TNFRSF9: variants seen among roughly 807,000 people sequenced by gnomAD.
TNFRSF9 encodes TNF receptor superfamily member 9, also known as tumor necrosis factor receptor superfamily member 9.
TNFRSF9 carries 16 observed loss-of-function variants against 28.8 expected under a neutral mutation model. The observed-to-expected ratio is 0.55, with a 90% confidence interval of 0.38 to 0.84. The LOEUF is 0.84. Among genes scored for constraint, TNFRSF9 ranks in the 40% least tolerant of loss-of-function variants. The pLI, the probability that TNFRSF9 is intolerant of heterozygous loss-of-function variation, is 0.00. For synonymous variants in TNFRSF9, 131 were observed against 117.0 expected, an observed-to-expected ratio of 1.12 and a Z score of -0.77; for missense variants, 303 against 315.0, an observed-to-expected ratio of 0.96 and a Z score of 0.29.
intron 5 of TNFRSF9, 97 bp from the exon 6 acceptor site, chr1:7,935,240 G>T: frequency 7.2e-7 from 1 of 1,388,054 alleles, no homozygotes; most frequent in Non-Finnish European, 9.8e-7. Context: ...AAGTAGCCTA[G>T]TGAAAAAGAT....
chr1:7,939,201 T>C (rs1027415469), intron 2 of TNFRSF9, among the ~76,000 whole-genome samples: 18 of 151,544 alleles, frequency 1.2e-4, no homozygotes, highest in Non-Finnish European at 2.1e-4. Flanking sequence ...ACACCTGTAA[T>C]CCCAGCTACT....
Position 7,935,163 on chromosome 1 carries a change from A to G in TNFRSF9, c.414-20T>C, listed in dbSNP as rs776720031. The G allele has an allele frequency of 6.2e-7, 1 of 1,606,590 alleles. No individual in the cohort carries two copies. The highest frequency in any genetic ancestry group is 8.5e-7 in the Non-Finnish European group (1 of 1,177,440). On this transcript the variant is annotated intron_variant, in intron 5 of 7. Transcript: ENST00000377507. ...GAACAGCTTAGACAGTTCAATGAAA[A>G]TAATTTAAATAATTAACTTAGGTCC...
rs764421785 is a variant in TNFRSF9, at chr1:7,933,274, G to C, written c.567C>G (p.Ser189=). 1 of 1,613,652 alleles carries C rather than the reference G, an allele frequency of 6.2e-7. No individual in the cohort carries two copies. Among genetic ancestry groups the C allele is most frequent in the Non-Finnish European group, 8.5e-7 (1 of 1,179,730 alleles). ...REPGHSPQII[S]FFLALTSTAL... ...CAGTCGACGTCAGCGCAAGAAAGAA[G>C]GAGATGATCTGCGGAGAGTGTCCTG... Residue 189 remains serine (S), a synonymous_variant, in exon 7 of 8, where the codon TCC becomes TCG. Coordinates refer to ENST00000377507, the MANE Select transcript of TNFRSF9 (RefSeq NM_001561.6).
chr1:7,939,874 A>T, intron 2 of TNFRSF9, 21 bp downstream of exon 2: 1 of 1,568,148 alleles, frequency 6.4e-7, no homozygotes, highest in African/African-American at 1.3e-5. Context: ...GATCAAATGC[A>T]CATGATAACT....
intron 7 of TNFRSF9, among the ~76,000 whole-genome samples, chr1:7,922,595 T>C (rs1639578156): frequency 6.6e-6 from 1 of 152,156 alleles, no homozygotes; most frequent in African/African-American, 2.4e-5. Flanking sequence ...GCAGATCATC[T>C]GAGGTCAGGA....
intron 5 of TNFRSF9, 84 bp from the exon 6 acceptor site, chr1:7,935,227 A>G: frequency 2.0e-6 from 3 of 1,467,834 alleles, no homozygotes; most frequent in Admixed American, 2.0e-5. Context: ...TTTTCACCCA[A>G]TGAAGTAGCC....
chr1:7,940,579 A>T (rs910032000), intron 1 of TNFRSF9, among the ~76,000 whole-genome samples: 2 of 152,314 alleles, frequency 1.3e-5, no homozygotes, highest in Non-Finnish European at 2.9e-5. Context: ...TTAAACAGAG[A>T]CATGTTTTGA....
At position 7,918,893 on chromosome 1, in the gene TNFRSF9, C is replaced by T. The variant is rs1639518461; in HGVS notation, c.*1942G>A. On this transcript the variant is annotated 3_prime_UTR_variant, in exon 8 of 8. Coordinates refer to ENST00000377507, the MANE Select transcript of TNFRSF9 (RefSeq NM_001561.6). ...GTGGATCAATGGGATACTTACATGA[C>T]ACTTATATGACTGACGGGAGTACAT... is the stretch of plus-strand genomic sequence containing the variant. 1 of 152,112 alleles carries T rather than the reference C, an allele frequency of 6.6e-6. No homozygotes were observed. The highest frequency in any genetic ancestry group is 2.1e-4 in the South Asian group (1 of 4,830). 9.4% of individuals were successfully genotyped at this position (152,112 alleles called of 1,614,324 possible). A position where few individuals can be genotyped will look rare whatever the true frequency, so the allele number is the denominator to read the frequency against.
At chr1:7,938,066 T>C (rs1322741301) in intron 4 of TNFRSF9, 127 bp downstream of exon 4, 3 of 698,414 alleles carry the variant, frequency 4.3e-6, no homozygotes, top group African/African-American at 1.9e-5. Flanking sequence ...TAAAATATGA[T>C]ATATCATATA....
intron 7 of TNFRSF9, among the ~76,000 whole-genome samples, chr1:7,922,330 C>T (rs1039470839): frequency 9.2e-5 from 14 of 152,104 alleles, no homozygotes; most frequent in Non-Finnish European, 1.8e-4. Flanking sequence ...TCATGTTTTC[C>T]GTATTTGTCC....
chr1:7,931,320 G>A (rs956058688), intron 7 of TNFRSF9, among the ~76,000 whole-genome samples: 9 of 152,270 alleles, frequency 5.9e-5, no homozygotes, highest in African/African-American at 1.4e-4. Context: ...TGAGATACAC[G>A]GACAAAAATA....
At chr1:7,924,321 AT>A (rs1257679157) in intron 7 of TNFRSF9, among the ~76,000 whole-genome samples, 1 of 119,328 alleles carries the variant, frequency 8.4e-6, no homozygotes, top group Non-Finnish European at 1.5e-5. Context: ...ATATATATAT[AT>A]ATATATATAT....
At chr1:7,921,338 AAAAAC>A (rs143263936) in intron 7 of TNFRSF9, among the ~76,000 whole-genome samples, 10,543 of 140,020 alleles carry the variant, frequency 0.075, 666 homozygotes, top group African/African-American at 0.17. Context: ...CTCTGTCTCA[AAAAAC>A]AAAACAAAAC....
At chr1:7,928,518 T>C (rs184201151) in intron 7 of TNFRSF9, among the ~76,000 whole-genome samples, 1 of 152,220 alleles carries the variant, frequency 6.6e-6, no homozygotes, top group African/African-American at 2.4e-5. Flanking sequence ...GGCATTGTGC[T>C]GAGTGAAAAA....
chr1:7,935,831 GC>G (rs1446422372), intron 5 of TNFRSF9, among the ~76,000 whole-genome samples: 1 of 152,098 alleles, frequency 6.6e-6, no homozygotes, highest in African/African-American at 2.4e-5. Flanking sequence ...ACCTCCCTAA[GC>G]CTCAGTTTTC....
At position 7,921,065 on chromosome 1, in the gene TNFRSF9, G is replaced by A. The variant is rs144972570; in HGVS notation, c.680-142C>T. On this transcript the variant is annotated intron_variant, in intron 7 of 7. Transcript: ENST00000377507. ...ATTTTAACAAACTCAGCCAGGCGTGGTGGCTCATGCCTGTAACCCCAGCAC... is the reference window on the plus strand; with the variant it reads ...ATTTTAACAAACTCAGCCAGGCGTGATGGCTCATGCCTGTAACCCCAGCAC... The A allele has an allele frequency of 6.4e-3, 4,038 of 635,372 alleles. 124 individuals carry two copies. In the African/African-American group the frequency reaches 0.065, roughly 10 times the overall value. 39.4% of individuals were successfully genotyped at this position (635,372 alleles called of 1,614,324 possible). A position where few individuals can be genotyped will look rare whatever the true frequency, so the allele number is the denominator to read the frequency against.
In TNFRSF9 at chr1:7,919,160, G is replaced by A. The variant is rs1639521984; in HGVS notation, c.*1675C>T. ...CTGCTCCCTCCACCTAAATCCCAGAGTAAAATAACATGGGACAGAGGCACG... is the reference window on the plus strand; with the variant it reads ...CTGCTCCCTCCACCTAAATCCCAGAATAAAATAACATGGGACAGAGGCACG... On this transcript the variant is annotated 3_prime_UTR_variant, in exon 8 of 8. Coordinates refer to ENST00000377507, the MANE Select transcript of TNFRSF9 (RefSeq NM_001561.6). The A allele has an allele frequency of 6.6e-6, 1 of 152,132 alleles. No homozygotes were observed. The allele number at this position is 152,132 out of a possible 1,614,324, so 9.4% of individuals were successfully genotyped here. A position where few individuals can be genotyped will look rare whatever the true frequency, so the allele number is the denominator to read the frequency against.
At chr1:7,936,447 C>A (rs12753275) in intron 5 of TNFRSF9, 17 of 148,278 alleles carry the variant, frequency 1.1e-4, no homozygotes, top group Admixed American at 2.8e-4. Flanking sequence ...ACAAACAAAA[C>A]AAACAAACAG....
intron 4 of TNFRSF9, 31 bp downstream of exon 4, chr1:7,938,162 A>G (rs769048069): frequency 6.5e-7 from 1 of 1,534,112 alleles, no homozygotes; most frequent in Admixed American, 2.0e-5. Flanking sequence ...ATGTCACAAA[A>G]CTACACTAGA....
Sources: gnomAD v4.1 joint callset for allele counts (sites outside exome capture counted in the v4.1 genomes callset) on GRCh38, gnomAD v4.1.1 for gene constraint, MANE v1.5 for transcripts, NCBI Gene and HGNC (gene_info 2026-07-23, HGNC 2026-07-21) for gene names.